Variants in BTRC observed in about 807,000 individuals in gnomAD.
BTRC encodes the protein F-box/WD repeat-containing protein 1A.
A neutral mutation model predicts 85.5 loss-of-function variants in BTRC; 42 were observed. The observed-to-expected ratio is 0.49, with a 90% CI of 0.38 to 0.64. The LOEUF is 0.64. Ranked by LOEUF, BTRC falls within the 30% of genes least tolerant of loss-of-function variation. BTRC has a pLI of 0.00. For missense variants in BTRC, 594 were observed against 743.5 expected (o/e 0.80, Z 2.34); for synonymous variants, 255 against 263.3 (o/e 0.97, Z 0.30).
intron 2 of BTRC, among the ~76,000 whole-genome samples, chr10:101,441,360 A>G (rs904460544): frequency 2.6e-5 from 4 of 152,138 alleles, no homozygotes; most frequent in Non-Finnish European, 5.9e-5. Context: ...TATTATTTAA[A>G]CTCCAGGCTT....
rs745628596 is a variant in BTRC at position 101,455,983 on chromosome 10, A to AACACAC, written c.157-5968_157-5963dup. Among the ~76,000 whole-genome samples, 742 of 96,040 alleles carry AACACAC rather than the reference A, an allele frequency of 7.7e-3. 14 individuals are homozygous for AACACAC. Among genetic ancestry groups the AACACAC allele is most frequent in the Non-Finnish European group, 9.2e-3 (463 of 50,560 alleles). The allele number at this position is 96,040 out of a possible 152,430, so 63.0% of individuals were successfully genotyped here. A position where few individuals can be genotyped will look rare whatever the true frequency, so the allele number is the denominator to read the frequency against. The stretch of plus-strand genomic sequence containing the variant: ...ATGGTGAAACTCTGTCTCTACTAAA[A>AACACAC]ACACACACACACACACACACACACA... On this transcript the variant is annotated intron_variant, in intron 2 of 14. Transcript: ENST00000370187.
At chr10:101,518,158 C>T (rs1046166141) in intron 4 of BTRC, among the ~76,000 whole-genome samples, 1 of 151,978 alleles carries the variant, frequency 6.6e-6, no homozygotes, top group Non-Finnish European at 1.5e-5. Flanking sequence ...GTGATCCGCC[C>T]GCCTCGGCCT....
At chr10:101,411,709 T>C (rs1005429583) in intron 1 of BTRC, among the ~76,000 whole-genome samples, 1 of 132,080 alleles carries the variant, frequency 7.6e-6, no homozygotes, top group Non-Finnish European at 1.8e-5. Flanking sequence ...CTAATTTCAT[T>C]GTCAGTTTTT....
chr10:101,477,518 T>G (rs1362592835), intron 3 of BTRC, among the ~76,000 whole-genome samples: 5 of 152,214 alleles, frequency 3.3e-5, no homozygotes, highest in African/African-American at 9.6e-5. Flanking sequence ...CTCGCTGTGC[T>G]GCCCAGGCTG....
chr10:101,509,355 C>T (rs890289172), intron 4 of BTRC, among the ~76,000 whole-genome samples: 4 of 141,604 alleles, frequency 2.8e-5, no homozygotes, highest in Admixed American at 1.4e-4. Flanking sequence ...CCCGGGTTCA[C>T]GCCATTCTCC....
chr10:101,420,030 G>A (rs990061085), intron 1 of BTRC, among the ~76,000 whole-genome samples: 1 of 128,596 alleles, frequency 7.8e-6, no homozygotes, highest in Non-Finnish European at 1.6e-5. Context: ...TTGGTAGTCA[G>A]TCTGTGTGTG....
At chr10:101,377,084 C>CTCTA (rs1942809963) in intron 1 of BTRC, among the ~76,000 whole-genome samples, 1 of 152,170 alleles carries the variant, frequency 6.6e-6, no homozygotes, top group Non-Finnish European at 1.5e-5. Context: ...CTTCCTCCAC[C>CTCTA]TCTAACCCCC....
intron 1 of BTRC, among the ~76,000 whole-genome samples, chr10:101,378,215 G>A (rs1316872092): frequency 1.3e-5 from 2 of 152,034 alleles, no homozygotes; most frequent in Non-Finnish European, 2.9e-5. Flanking sequence ...GCAGCAGTCT[G>A]TATTATAAGA....
intron 1 of BTRC, among the ~76,000 whole-genome samples, 155 bp from the exon 2 acceptor site, chr10:101,430,190 G>A (rs1944366375): frequency 2.0e-5 from 3 of 152,162 alleles, no homozygotes; most frequent in African/African-American, 2.4e-5. Context: ...TCTCTCTGGG[G>A]TTAAAGCCAG....
chr10:101,522,409 C>CTTTTTTTTTTTTTTTTTTTTTTTTTTT (rs1176651688), intron 5 of BTRC, among the ~76,000 whole-genome samples: 1 of 29,544 alleles, frequency 3.4e-5, no homozygotes, highest in Non-Finnish European at 5.7e-5. Flanking sequence ...ATAAAGACTC[C>CTTTTTTTTTTTTTTTTTTTTTTTTTTT]TTTTTTTTTT....
chr10:101,417,362 T>C (rs780700276), intron 1 of BTRC, among the ~76,000 whole-genome samples: 1 of 152,240 alleles, frequency 6.6e-6, no homozygotes, highest in Non-Finnish European at 1.5e-5. Flanking sequence ...TACACGCCAG[T>C]ATCTTGCAGA....
chr10:101,533,849 T>A (rs2062339144), intron 9 of BTRC, among the ~76,000 whole-genome samples: 2 of 152,232 alleles, frequency 1.3e-5, no homozygotes, highest in Non-Finnish European at 2.9e-5. Context: ...TAGCAAGGCA[T>A]AGCAAACTTG....
chr10:101,492,899 A>G lies in BTRC; in HGVS notation c.324+13442A>G, dbSNP rs191268525. ...TCTAGCCTGGGACACTAGAGGAGCTACTGTCTCAACATTATAACATTATAA... is the reference window on the plus strand; with the variant it reads ...TCTAGCCTGGGACACTAGAGGAGCTGCTGTCTCAACATTATAACATTATAA... On this transcript the variant is annotated intron_variant, in intron 4 of 14. Transcript: ENST00000370187. Among the ~76,000 whole-genome samples, 4 of 152,308 alleles carry G rather than the reference A, an allele frequency of 2.6e-5. No homozygotes were observed. In the East Asian group the frequency reaches 7.7e-4, roughly 29 times the overall value.
intron 8 of BTRC, 72 bp from the exon 9 acceptor site, chr10:101,532,880 G>C: frequency 8.3e-7 from 1 of 1,203,858 alleles, no homozygotes; most frequent in Non-Finnish European, 1.2e-6. Flanking sequence ...GATCAGACAC[G>C]TAATAGGACC....
chr10:101,500,484 A>C (rs780811245), intron 4 of BTRC, among the ~76,000 whole-genome samples: 12 of 152,178 alleles, frequency 7.9e-5, no homozygotes, highest in Non-Finnish European at 1.5e-4. Flanking sequence ...TTGCCTTCTT[A>C]TGAAGCAAAG....
intron 12 of BTRC, among the ~76,000 whole-genome samples, chr10:101,537,632 C>T (rs1438748156): frequency 6.6e-6 from 1 of 152,238 alleles, no homozygotes; most frequent in Non-Finnish European, 1.5e-5. Context: ...AAACTAACAA[C>T]ATTATTTTAG....
chr10:101,384,368 A>G (rs1157754099), intron 1 of BTRC, among the ~76,000 whole-genome samples: 1 of 152,238 alleles, frequency 6.6e-6, no homozygotes, highest in Middle Eastern at 3.2e-3. Context: ...CTTTCCGAAT[A>G]AAAAGTTTAA....
At chr10:101,461,700 C>G (rs779381575) in intron 2 of BTRC, among the ~76,000 whole-genome samples, 6 of 152,082 alleles carry the variant, frequency 3.9e-5, no homozygotes, top group Non-Finnish European at 8.8e-5. Flanking sequence ...CAACCTGTGT[C>G]AAAGTGCAAG....
chr10:101,502,729 C>T (rs370314604), intron 4 of BTRC, among the ~76,000 whole-genome samples: 4 of 152,058 alleles, frequency 2.6e-5, no homozygotes, highest in Admixed American at 6.5e-5. Context: ...CCCACCTCCT[C>T]GTTCATTTAG....
Sources: gnomAD v4.1 joint callset for allele counts (sites outside exome capture counted in the v4.1 genomes callset) on GRCh38, gnomAD v4.1.1 for gene constraint, MANE v1.5 for transcripts, NCBI Gene and HGNC (gene_info 2026-07-23, HGNC 2026-07-21) for gene names.